The following UTRN variants were observed in gnomAD, a reference collection of about 807,000 sequenced individuals.
UTRN encodes utrophin, also known as dystrophin-related protein 1.
In UTRN, 283 loss-of-function variants were observed where a neutral mutation model predicts 463.9. The observed-to-expected ratio is 0.61, with a 90% CI of 0.55 to 0.67. UTRN has a LOEUF of 0.67. Among genes scored for constraint, UTRN ranks in the 30% least tolerant of loss-of-function variants. UTRN has a pLI of 0.00. For missense variants in UTRN, 3,922 were observed against 4,084.3 expected, an observed-to-expected ratio of 0.96 and a Z score of 1.08; for synonymous variants, 1,442 against 1,431.5, an observed-to-expected ratio of 1.01 and a Z score of -0.17.
chr6:144,528,455 T>C (rs1796752869), intron 41 of UTRN, among the ~76,000 whole-genome samples: 1 of 152,256 alleles, frequency 6.6e-6, no homozygotes, highest in Non-Finnish European at 1.5e-5. Flanking sequence ...AATCAGTGGC[T>C]GCTGTCCTGA....
rs1776571080 is a variant in UTRN, at chr6:144,789,428, A to T, written c.8920+149A>T. ...ACTGTGCCTATACCAAGTTAGACAG[A>T]GGGTGGCAGTGCAAAGACTTGGGGC... On this transcript the variant is annotated intron_variant, in intron 62 of 74. Coordinates refer to ENST00000367545, the MANE Select transcript of UTRN (RefSeq NM_007124.3). The T allele has an allele frequency of 4.7e-6, 3 of 633,492 alleles. No individual in the cohort carries two copies. In the South Asian group the frequency reaches 7.7e-5, roughly 16 times the overall value. The allele number at this position is 633,492 out of a possible 1,614,324, so 39.2% of individuals were successfully genotyped here.
intron 2 of UTRN, among the ~76,000 whole-genome samples, chr6:144,300,745 C>A (rs1442689899): frequency 6.6e-6 from 1 of 152,170 alleles, no homozygotes; most frequent in Non-Finnish European, 1.5e-5. Flanking sequence ...AGAACAGAGA[C>A]TTTGGTGCAG....
chr6:144,436,728 T>C (rs1462257632), intron 10 of UTRN, among the ~76,000 whole-genome samples: 2 of 147,408 alleles, frequency 1.4e-5, no homozygotes, highest in East Asian at 3.9e-4. Flanking sequence ...AAACAGTTCC[T>C]CTTGGGTGAG....
At chr6:144,752,739 T>A (rs1249822936) in intron 56 of UTRN, among the ~76,000 whole-genome samples, 1 of 152,222 alleles carries the variant, frequency 6.6e-6, no homozygotes, top group Non-Finnish European at 1.5e-5. Context: ...TATTCTTTTT[T>A]TTTCTTCTGC....
intron 74 of UTRN, among the ~76,000 whole-genome samples, chr6:144,847,435 C>T (rs1313909345): frequency 6.6e-6 from 1 of 151,510 alleles, no homozygotes; most frequent in Non-Finnish European, 1.5e-5. Context: ...TTTGTTTTTT[C>T]CCAAAAAGGA....
chr6:144,581,220 T>G (rs1368186500), intron 51 of UTRN, among the ~76,000 whole-genome samples: 1 of 152,238 alleles, frequency 6.6e-6, no homozygotes, highest in Non-Finnish European at 1.5e-5. Context: ...TTTTTGCTTT[T>G]GTATGAAAGC....
chr6:144,721,703 T>G (rs1011423930), intron 53 of UTRN, among the ~76,000 whole-genome samples: 3 of 152,178 alleles, frequency 2.0e-5, no homozygotes, highest in Non-Finnish European at 4.4e-5. Context: ...AAATTCAGTT[T>G]TTGGGATTTT....
Position 144,485,792 on chromosome 6 carries a change from A to G in UTRN, c.3822+273A>G, listed in dbSNP as rs1235200387. ...AAGCACTCTAGTGGTTTTCCAGTTT[A>G]TTTTAGTAGGCCCTGGACAAAGCTC... On this transcript the variant is annotated intron_variant, in intron 28 of 74. Transcript: ENST00000367545. Among the ~76,000 whole-genome samples, 3 of 152,160 alleles carry G rather than the reference A, an allele frequency of 2.0e-5. 1 individual carries two copies. Among genetic ancestry groups the G allele is most frequent in the South Asian group, 2.1e-4 (1 of 4,830 alleles).
intron 2 of UTRN, among the ~76,000 whole-genome samples, chr6:144,295,930 C>T (rs749302903): frequency 2.6e-5 from 4 of 152,174 alleles, no homozygotes; most frequent in Non-Finnish European, 5.9e-5. Context: ...TCCATCTTTG[C>T]CTGGCTGGTT....
chr6:144,773,941 AAG>A (rs1250073042), intron 59 of UTRN, among the ~76,000 whole-genome samples: 1 of 152,268 alleles, frequency 6.6e-6, no homozygotes, highest in Admixed American at 6.5e-5. Context: ...TGGAAGGAGA[AAG>A]AGGGTCAGGA....
At chr6:144,662,100 A>C (rs935935584) in intron 51 of UTRN, among the ~76,000 whole-genome samples, 1 of 152,038 alleles carries the variant, frequency 6.6e-6, no homozygotes, top group African/African-American at 2.4e-5. Context: ...ATATATGTGT[A>C]TTTTTGTGTT....
At position 144,722,320 on chromosome 6, in the gene UTRN, G is replaced by GTTTT. The variant is rs35979217; in HGVS notation, c.7810-8029_7810-8026dup. Among the ~76,000 whole-genome samples, 85 of 146,248 alleles carry GTTTT rather than the reference G, an allele frequency of 5.8e-4. 1 individual carries two copies. The East Asian group carries it at 0.012, about 21-fold the overall frequency. On this transcript the variant is annotated intron_variant, in intron 53 of 74. Coordinates refer to ENST00000367545, the MANE Select transcript of UTRN (RefSeq NM_007124.3). ...TGCCTTGCTCCCTCACTTCCCTCCG[G>GTTTT]TTTTTTTTTTTAAATATCGCTGTCT...
chr6:144,475,749 A>G (rs992218720), intron 25 of UTRN, among the ~76,000 whole-genome samples: 8 of 152,044 alleles, frequency 5.3e-5, no homozygotes, highest in Admixed American at 6.5e-5. Flanking sequence ...AGCTGGAACT[A>G]TAGATGTTCA....
rs748399313 is a variant in UTRN at position 144,772,016 on chromosome 6, G to GTT, written c.8557+84_8557+85dup. 4.3e-3 allele frequency: 550 copies of GTT among 127,556 alleles called. 146 individuals carry two copies. The highest frequency in any genetic ancestry group is 8.8e-3 in the African/African-American group (124 of 14,122). The allele number at this position is 127,556 out of a possible 1,614,324, so 7.9% of individuals were successfully genotyped here. Reference sequence around the variant, plus strand: ...AATTAACCTAAACAACTGAGAACCGGTTTTTTTTTTTTTTTTTTTTTTTTT... The same window carrying GTT: ...AATTAACCTAAACAACTGAGAACCGGTTTTTTTTTTTTTTTTTTTTTTTTTTT... On this transcript the variant is annotated intron_variant, in intron 59 of 74. Coordinates refer to ENST00000367545, the MANE Select transcript of UTRN (RefSeq NM_007124.3).
intron 51 of UTRN, among the ~76,000 whole-genome samples, chr6:144,636,543 T>TA (rs201188776): frequency 0.017 from 2,499 of 149,574 alleles, 77 homozygotes; most frequent in African/African-American, 0.058. Flanking sequence ...TAAAGTATAA[T>TA]AAAAAAAAAA....
chr6:144,600,635 A>G (rs1804148448), intron 51 of UTRN, among the ~76,000 whole-genome samples: 1 of 152,250 alleles, frequency 6.6e-6, no homozygotes, highest in African/African-American at 2.4e-5. Context: ...GTTTAAGAAC[A>G]GAAACCATCT....
At chr6:144,469,714 T>TTTTTTTTTTTTTTA (rs1790314213) in intron 23 of UTRN, among the ~76,000 whole-genome samples, 4 of 149,788 alleles carry the variant, frequency 2.7e-5, no homozygotes, top group African/African-American at 1.0e-4. Flanking sequence ...TTTTTTTTTT[T>TTTTTTTTTTTTTTA]AGTATTTATT....
chr6:144,811,340 G>C (rs1778592063), intron 65 of UTRN, among the ~76,000 whole-genome samples: 1 of 152,212 alleles, frequency 6.6e-6, no homozygotes, highest in East Asian at 1.9e-4. Flanking sequence ...TGGCAGTCTT[G>C]TCTCTTCAGA....
intron 66 of UTRN, among the ~76,000 whole-genome samples, chr6:144,821,995 T>C (rs983619450): frequency 6.6e-6 from 1 of 152,048 alleles, no homozygotes; most frequent in African/African-American, 2.4e-5. Context: ...TTCTACTTTA[T>C]AAAAAATAGA....
Sources: gnomAD v4.1 joint callset for allele counts (sites outside exome capture counted in the v4.1 genomes callset) on GRCh38, gnomAD v4.1.1 for gene constraint, MANE v1.5 for transcripts, NCBI Gene and HGNC (gene_info 2026-07-23, HGNC 2026-07-21) for gene names.